TLL1: variants seen among roughly 807,000 people sequenced by gnomAD.
The protein encoded by TLL1 is tolloid like 1.
In TLL1, 49 loss-of-function variants were observed where a neutral mutation model predicts 128.2. The ratio of observed to expected loss-of-function variants is 0.38; its 90% CI spans 0.30 to 0.48. The LOEUF is 0.48. Ranked by LOEUF, TLL1 falls within the 20% of genes least tolerant of loss-of-function variation. The pLI is 0.96. For missense variants in TLL1, 1,123 were observed against 1,242.0 expected, an observed-to-expected ratio of 0.90 and a Z score of 1.44; for synonymous variants, 454 against 418.8, an observed-to-expected ratio of 1.08 and a Z score of -1.03.
intron 1 of TLL1, among the ~76,000 whole-genome samples, chr4:165,875,235 T>G (rs1730672603): frequency 6.6e-6 from 1 of 152,126 alleles, no homozygotes; most frequent in African/African-American, 2.4e-5. Context: ...TGTGACTAGC[T>G]TTTCTTCCCT....
At chr4:165,928,575 A>G (rs1448705549) in intron 1 of TLL1, among the ~76,000 whole-genome samples, 3 of 152,260 alleles carry the variant, frequency 2.0e-5, no homozygotes, top group African/African-American at 7.2e-5. Context: ...TGGAATGTTG[A>G]AAGCTTCTGT....
At position 166,056,325 on chromosome 4, in the gene TLL1, TG is replaced by T. The variant is rs569759337; in HGVS notation, c.1721-858del. 4.6e-4 allele frequency among the ~76,000 whole-genome samples: 70 copies of T among 152,086 alleles called. 1 individual carries two copies. Among genetic ancestry groups the T allele is most frequent in the African/African-American group, 1.4e-3 (59 of 41,550 alleles). Reference sequence around the variant, plus strand: ...ATGTTTACTATTTGTCTAACTCACATGAGGTTATTCCTGAAGAGTGAGATTA... The same window carrying T: ...ATGTTTACTATTTGTCTAACTCACATAGGTTATTCCTGAAGAGTGAGATTA... On this transcript the variant is annotated intron_variant, in intron 13 of 20. Coordinates refer to ENST00000061240, the MANE Select transcript of TLL1 (RefSeq NM_012464.5).
At chr4:165,885,314 A>G (rs892657570) in intron 1 of TLL1, among the ~76,000 whole-genome samples, 2 of 152,062 alleles carry the variant, frequency 1.3e-5, no homozygotes, top group African/African-American at 4.8e-5. Context: ...TGTCTCTGAC[A>G]TCAGAAGCAA....
rs28392992 is a variant in TLL1 at position 166,000,833 on chromosome 4, C to A, written c.633-2558C>A. Among the ~76,000 whole-genome samples, 1,437 of 152,032 alleles carry A rather than the reference C, an allele frequency of 9.5e-3. 28 individuals are homozygous for A. Among genetic ancestry groups the A allele is most frequent in the African/African-American group, 0.033 (1,359 of 41,478 alleles). ...TATTTGAACAAAAAACTACCTGGGG[C>A]AAAAACAAATTTCATTGATTCCTCT... On this transcript the variant is annotated intron_variant, in intron 5 of 20. Coordinates refer to ENST00000061240, the MANE Select transcript of TLL1 (RefSeq NM_012464.5).
chr4:165,998,951 C>T (rs770432240), intron 5 of TLL1, among the ~76,000 whole-genome samples: 12 of 152,070 alleles, frequency 7.9e-5, no homozygotes, highest in Non-Finnish European at 1.5e-4. Context: ...GGTGTGCTAG[C>T]CAGGATTCTT....
Position 166,077,938 on chromosome 4 carries a change from C to T in TLL1, c.2350C>T (p.Leu784Phe). The T allele has an allele frequency of 6.2e-7, 1 of 1,613,568 alleles. No homozygotes were observed. The highest frequency in any genetic ancestry group is 2.2e-5 in the East Asian group (1 of 44,750). Reference protein sequence around the residue: ...CEQKIHSPSGLITSPNWPDKY... With the variant: ...CEQKIHSPSGFITSPNWPDKY... ...ACAGAAGATCCACAGTCCAAGTGGCCTCATCACCAGTCCCAACTGGCCAGA... is the reference window on the plus strand; with the variant it reads ...ACAGAAGATCCACAGTCCAAGTGGCTTCATCACCAGTCCCAACTGGCCAGA... Residue 784 changes from leucine (L) to phenylalanine (F), a missense_variant, in exon 18 of 21, where the codon CTC (leucine) becomes TTC (phenylalanine). By Grantham distance (22) the Leu-to-Phe change is conservative. Around this residue, in one of 3 missense-constraint regions of TLL1, gnomAD observed 634 missense variants for 672.4 expected, o/e 0.94. Coordinates refer to ENST00000061240, the MANE Select transcript of TLL1 (RefSeq NM_012464.5).
In TLL1 at chr4:165,911,915, G is replaced by A. The variant is rs191894901; in HGVS notation, c.169+37842G>A. ...TTTTGAGACAGAGTCTCGCTCTGTCGCCTAGGCTGGAGTGCAGTGGCATGA... is the reference window on the plus strand; with the variant it reads ...TTTTGAGACAGAGTCTCGCTCTGTCACCTAGGCTGGAGTGCAGTGGCATGA... On this transcript the variant is annotated intron_variant, in intron 1 of 20. Transcript: ENST00000061240. Among the ~76,000 whole-genome samples, 219 of 152,030 alleles carry A rather than the reference G, an allele frequency of 1.4e-3. 4 individuals carry two copies. The highest frequency in any genetic ancestry group is 0.013 in the Admixed American group (192 of 15,268).
chr4:165,940,641 G>A (rs1410941851), intron 1 of TLL1, among the ~76,000 whole-genome samples: 1 of 151,920 alleles, frequency 6.6e-6, no homozygotes, highest in Non-Finnish European at 1.5e-5. Context: ...TCATTAATAT[G>A]CACATATGCA....
intron 1 of TLL1, among the ~76,000 whole-genome samples, chr4:165,898,952 C>A (rs906532599): frequency 6.6e-6 from 1 of 152,196 alleles, no homozygotes; most frequent in Admixed American, 6.5e-5. Flanking sequence ...TTGGTTTAGT[C>A]TTGGGAGGGT....
intron 1 of TLL1, among the ~76,000 whole-genome samples, chr4:165,928,259 T>G (rs967018194): frequency 3.9e-5 from 6 of 152,182 alleles, no homozygotes; most frequent in African/African-American, 1.4e-4. Flanking sequence ...TGCTCTAAGA[T>G]TCATATGATA....
intron 1 of TLL1, among the ~76,000 whole-genome samples, chr4:165,894,790 T>C (rs1731590679): frequency 6.6e-6 from 1 of 151,978 alleles, no homozygotes; most frequent in Non-Finnish European, 1.5e-5. Context: ...TCCTTTCTGT[T>C]ACTACCTTTC....
At chr4:165,875,892 TA>T (rs1730702910) in intron 1 of TLL1, among the ~76,000 whole-genome samples, 1 of 151,266 alleles carries the variant, frequency 6.6e-6, no homozygotes, top group South Asian at 2.1e-4. Context: ...CCTCAGCAAA[TA>T]AACATCTAGG....
intron 18 of TLL1, among the ~76,000 whole-genome samples, chr4:166,080,039 C>A (rs1049001965): frequency 6.6e-6 from 1 of 152,154 alleles, no homozygotes; most frequent in Non-Finnish European, 1.5e-5. Context: ...GCCGCCATAA[C>A]AGATTATCAC....
chr4:165,989,352 AC>A, intron 1 of TLL1, 28 bp from the exon 2 acceptor site: 1 of 1,495,350 alleles, frequency 6.7e-7, no homozygotes. Context: ...GAAATATTTT[AC>A]ATTTTAATTC....
chr4:165,989,588 G>A (rs1343822072), intron 2 of TLL1, 97 bp downstream of exon 2: 1 of 847,430 alleles, frequency 1.2e-6, no homozygotes, highest in Non-Finnish European at 2.0e-6. Context: ...ATCTCCTGTT[G>A]ATCAACTCTG....
intron 1 of TLL1, among the ~76,000 whole-genome samples, chr4:165,889,364 G>A (rs1731295467): frequency 6.6e-6 from 1 of 152,132 alleles, no homozygotes; most frequent in Non-Finnish European, 1.5e-5. Flanking sequence ...GACTTTTGAG[G>A]ATATTCATTC....
chr4:165,950,094 C>A (rs1182113312), intron 1 of TLL1, among the ~76,000 whole-genome samples: 1 of 151,884 alleles, frequency 6.6e-6, no homozygotes, highest in Non-Finnish European at 1.5e-5. Flanking sequence ...ACCACACAAA[C>A]TCAAATTAAA....
chr4:166,094,114 A>G (rs1358548118), intron 19 of TLL1, among the ~76,000 whole-genome samples: 2 of 152,140 alleles, frequency 1.3e-5, no homozygotes, highest in Non-Finnish European at 2.9e-5. Flanking sequence ...AATGGTAGAG[A>G]ATGCACTGGG....
intron 8 of TLL1, among the ~76,000 whole-genome samples, chr4:166,017,906 A>C (rs1738027192): frequency 1.3e-5 from 2 of 152,186 alleles, no homozygotes. Context: ...ACTTACCACA[A>C]GCCAAATGAC....
Sources: gnomAD v4.1 joint callset for allele counts (sites outside exome capture counted in the v4.1 genomes callset) on GRCh38, gnomAD v4.1.1 for gene constraint, gnomAD v4.1.1 regional missense constraint, MANE v1.5 for transcripts, NCBI Gene and HGNC (gene_info 2026-07-23, HGNC 2026-07-21) for gene names.